Variants in NCOA2 observed in about 807,000 individuals in gnomAD.
NCOA2 encodes nuclear receptor coactivator 2.
NCOA2 carries 21 observed loss-of-function variants against 145.1 expected under a neutral mutation model. The observed-to-expected ratio is 0.14, with a 90% CI of 0.10 to 0.21. The LOEUF is 0.21. Among genes scored for constraint, NCOA2 ranks in the 10% least tolerant of loss-of-function variants. NCOA2 has a pLI of 1.00. For synonymous variants in NCOA2, 619 were observed against 637.5 expected, an observed-to-expected ratio of 0.97 and a Z score of 0.44; for missense variants, 1,472 against 1,837.6, an observed-to-expected ratio of 0.80 and a Z score of 3.64.
chr8:70,449,491 C>T, the NCOA2 span, among the ~76,000 whole-genome samples: 12 of 152,326 alleles, frequency 7.9e-5, no homozygotes, highest in African/African-American at 2.9e-4. Flanking sequence ...ACTGTCACCC[C>T]TTGTAGGTCC....
intron 11 of NCOA2, among the ~76,000 whole-genome samples, chr8:70,150,635 A>G (rs1185419301): frequency 1.3e-5 from 2 of 152,148 alleles, no homozygotes; most frequent in East Asian, 3.9e-4. Flanking sequence ...GGAACATAAA[A>G]CTGACTTTAT....
intron 11 of NCOA2, 83 bp from the exon 12 acceptor site, chr8:70,148,566 G>A (rs1202630402): frequency 1.6e-6 from 2 of 1,265,012 alleles, no homozygotes; most frequent in Non-Finnish European, 2.2e-6. Context: ...TGACCTAACT[G>A]CCATAAGGCA....
intron 1 of NCOA2, among the ~76,000 whole-genome samples, chr8:70,363,061 GA>G (rs1176822807): frequency 8.1e-6 from 1 of 122,924 alleles, no homozygotes; most frequent in Non-Finnish European, 1.7e-5. Context: ...CTGGTTGACA[GA>G]GTTAAGACTC....
chr8:70,424,332 C>T, the NCOA2 span: 1 of 374,224 alleles, frequency 2.7e-6, no homozygotes, highest in Non-Finnish European at 5.2e-6. Flanking sequence ...TCTGCCTGTT[C>T]AAGAACCAGT....
In NCOA2 at chr8:70,124,071, T is replaced by G. The variant is rs1808133841; in HGVS notation, c.4106A>C (p.Gln1369Pro). The G allele has an allele frequency of 6.2e-7, 1 of 1,613,144 alleles. No homozygotes were observed. Among genetic ancestry groups the G allele is most frequent in the Non-Finnish European group, 8.5e-7 (1 of 1,179,296 alleles). Residue 1369 changes from glutamine to proline, a missense_variant, in exon 21 of 23, where the codon CAG (glutamine) becomes CCG (proline). By Grantham distance (76) the Gln-to-Pro change is moderately conservative. This residue lies in a region of NCOA2 where 232 missense variants were observed against 290.6 expected (regional missense o/e 0.80). Coordinates refer to ENST00000452400, the MANE Select transcript of NCOA2 (RefSeq NM_006540.4). ...GNMGGNSMFS[Q>P]QSPPHFGQQA... Reference sequence around the variant, plus strand: ...CTGCCCAAAGTGTGGTGGGGACTGCTGGGAAAACATGCTGGAATACAATGG... The same window carrying G: ...CTGCCCAAAGTGTGGTGGGGACTGCGGGGAAAACATGCTGGAATACAATGG...
chr8:70,196,437 A>G (rs1169772682), intron 4 of NCOA2, among the ~76,000 whole-genome samples: 1 of 152,206 alleles, frequency 6.6e-6, no homozygotes, highest in Non-Finnish European at 1.5e-5. Flanking sequence ...TATGATGGAT[A>G]TACATCGGCG....
Position 70,294,355 on chromosome 8 carries a change from T to G in NCOA2, c.-20+2389A>C, listed in dbSNP as rs549426404. Reference sequence around the variant, plus strand: ...CAGATGCCACTTACAATCTAAAATTTCTAATATTGCATGAGAGAAAGAATG... The same window carrying G: ...CAGATGCCACTTACAATCTAAAATTGCTAATATTGCATGAGAGAAAGAATG... On this transcript the variant is annotated intron_variant, in intron 2 of 22. Coordinates refer to ENST00000452400, the MANE Select transcript of NCOA2 (RefSeq NM_006540.4). 6.6e-5 allele frequency among the ~76,000 whole-genome samples: 10 copies of G among 152,260 alleles called. No homozygotes were observed. In the East Asian group the frequency reaches 1.9e-3, roughly 29 times the overall value.
intron 4 of NCOA2, among the ~76,000 whole-genome samples, chr8:70,192,552 T>C (rs1332793378): frequency 6.6e-6 from 1 of 152,178 alleles, no homozygotes; most frequent in Non-Finnish European, 1.5e-5. Flanking sequence ...TGGTATTTCA[T>C]GGCAGTGGAG....
intron 15 of NCOA2, among the ~76,000 whole-genome samples, chr8:70,133,072 G>T (rs1257864855): frequency 1.6e-5 from 2 of 128,050 alleles, no homozygotes; most frequent in African/African-American, 5.5e-5. Context: ...TAGAGGAGGG[G>T]TGTGTGTGTG....
the NCOA2 span, among the ~76,000 whole-genome samples, chr8:70,411,318 G>A: frequency 1.3e-5 from 2 of 152,130 alleles, no homozygotes; most frequent in African/African-American, 2.4e-5. Flanking sequence ...AGATTGCTAA[G>A]GGAGAAATAG....
intron 4 of NCOA2, among the ~76,000 whole-genome samples, chr8:70,186,005 C>G (rs999126792): frequency 6.6e-6 from 1 of 151,884 alleles, no homozygotes; most frequent in Non-Finnish European, 1.5e-5. Flanking sequence ...TTAGAAACTA[C>G]GTATAGGAAT....
At chr8:70,138,793 GC>G (rs1421380679) in intron 14 of NCOA2, among the ~76,000 whole-genome samples, 9 of 152,214 alleles carry the variant, frequency 5.9e-5, no homozygotes, top group African/African-American at 2.2e-4. Context: ...TTACATTTCT[GC>G]AAATAGCTTT....
At chr8:70,442,015 AAAG>A in the NCOA2 span, among the ~76,000 whole-genome samples, 3 of 146,114 alleles carry the variant, frequency 2.1e-5, no homozygotes, top group Admixed American at 2.0e-4. Context: ...GAAATAAAGG[AAAG>A]AAAGAAAGAG....
chr8:70,321,938 GGCA>G (rs771997561), intron 1 of NCOA2, among the ~76,000 whole-genome samples: 1 of 151,304 alleles, frequency 6.6e-6, no homozygotes, highest in Non-Finnish European at 1.5e-5. Context: ...AGACCAGCCA[GGCA>G]AACATGGTGA....
intron 12 of NCOA2, among the ~76,000 whole-genome samples, chr8:70,146,093 G>C (rs995040921): frequency 4.6e-5 from 7 of 152,130 alleles, no homozygotes. Flanking sequence ...TTGGATATTA[G>C]AACATCACTT....
At chr8:70,128,126 G>A (rs955055455) in intron 18 of NCOA2, among the ~76,000 whole-genome samples, 5 of 152,228 alleles carry the variant, frequency 3.3e-5, no homozygotes, top group African/African-American at 1.2e-4. Flanking sequence ...TGTGACCAGA[G>A]GTCTGCAGGA....
At chr8:70,165,960 C>T (rs768609184) in intron 7 of NCOA2, among the ~76,000 whole-genome samples, 12 of 152,168 alleles carry the variant, frequency 7.9e-5, no homozygotes, top group Non-Finnish European at 1.3e-4. Flanking sequence ...GCTGGGACTA[C>T]AGGCACATGC....
At chr8:70,408,238 C>A (rs150758174), upstream of NCOA2, among the ~76,000 whole-genome samples, 656 of 152,180 alleles carry the variant, frequency 4.3e-3, 5 homozygotes, top group African/African-American at 0.015. Flanking sequence ...GGAGGTGAAA[C>A]CAAACTTATT....
At chr8:70,176,994 A>T (rs1814925959) in intron 4 of NCOA2, among the ~76,000 whole-genome samples, 1 of 152,328 alleles carries the variant, frequency 6.6e-6, no homozygotes, top group South Asian at 2.1e-4. Flanking sequence ...GTCCTACTGC[A>T]TTCTTACTTC....
Sources: allele counts gnomAD v4.1 joint callset (sites outside exome capture counted in the v4.1 genomes callset), GRCh38; gene constraint gnomAD v4.1.1; regional missense constraint gnomAD v4.1.1; transcripts MANE v1.5; gene names NCBI Gene and HGNC (gene_info 2026-07-23, HGNC 2026-07-21).